The following SEC31A variants were observed in gnomAD, a reference collection of about 807,000 sequenced individuals.
The protein encoded by SEC31A is SEC31 homolog A, COPII component.
A neutral mutation model predicts 151.0 loss-of-function variants in SEC31A; 70 were observed. The observed-to-expected ratio is 0.46, with a 90% confidence interval of 0.38 to 0.57. The LOEUF is 0.57. Ranked by LOEUF, SEC31A falls within the 20% of genes least tolerant of loss-of-function variation. SEC31A has a pLI of 0.00. For synonymous variants in SEC31A, 475 were observed against 505.9 expected, an observed-to-expected ratio of 0.94 and a Z score of 0.82; for missense variants, 1,330 against 1,471.2, an observed-to-expected ratio of 0.90 and a Z score of 1.57.
intron 22 of SEC31A, among the ~76,000 whole-genome samples, chr4:82,837,701 C>T (rs1727748219): frequency 2.0e-5 from 3 of 152,292 alleles, no homozygotes; most frequent in South Asian, 4.1e-4. Flanking sequence ...GAGTCCTATC[C>T]ACCTTAGCGT....
chr4:82,877,555 T>C (rs1560658306), intron 4 of SEC31A: 1 of 152,172 alleles, frequency 6.6e-6, no homozygotes, highest in East Asian at 1.9e-4. Flanking sequence ...ATTGTTTGCA[T>C]TTTTTGTAAT....
upstream of SEC31A, chr4:82,895,571 G>A (rs180868332): frequency 2.6e-5 from 4 of 152,296 alleles, no homozygotes; most frequent in East Asian, 1.9e-4. Context: ...GGAAGAGTAA[G>A]GAAAAGAAAT....
At chr4:82,842,080 C>T in intron 22 of SEC31A, 60 bp downstream of exon 22, 5 of 1,304,398 alleles carry the variant, frequency 3.8e-6, no homozygotes, top group Non-Finnish European at 2.1e-6. Context: ...CCTCCATCCA[C>T]CCATCTGTTC....
chr4:82,836,237 G>A (rs979802846), intron 22 of SEC31A, among the ~76,000 whole-genome samples: 1 of 152,020 alleles, frequency 6.6e-6, no homozygotes, highest in African/African-American at 2.4e-5. Flanking sequence ...GCTGAGCGTG[G>A]TGGCACATGC....
At chr4:82,857,177 C>G in intron 15 of SEC31A, 47 bp from the exon 16 acceptor site, 1 of 1,527,868 alleles carries the variant, frequency 6.5e-7, no homozygotes, top group South Asian at 1.2e-5. Context: ...GTTTTTGTTA[C>G]CAAAACCAAC....
chr4:82,848,069 C>T (rs1304009988), intron 20 of SEC31A, among the ~76,000 whole-genome samples: 1 of 152,052 alleles, frequency 6.6e-6, no homozygotes, highest in Non-Finnish European at 1.5e-5. Context: ...GTTAACTTTG[C>T]TATCAATCAA....
chr4:82,878,982 CA>C, intron 3 of SEC31A, 54 bp from the exon 4 acceptor site: 5 of 1,384,484 alleles, frequency 3.6e-6, no homozygotes, highest in Non-Finnish European at 5.0e-6. Flanking sequence ...TAAATGTAGA[CA>C]AAAAATTGAA....
At chr4:82,852,842 A>G (rs1464224455) in intron 18 of SEC31A, among the ~76,000 whole-genome samples, 1 of 152,088 alleles carries the variant, frequency 6.6e-6, no homozygotes, top group Non-Finnish European at 1.5e-5. Context: ...GTGGAAGACA[A>G]TTTTTCCACA....
intron 3 of SEC31A, among the ~76,000 whole-genome samples, chr4:82,897,503 C>G (rs1379738088): frequency 6.6e-6 from 1 of 151,932 alleles, no homozygotes. Context: ...TTAAGAAAAC[C>G]AACTCTTTCT....
In SEC31A at chr4:82,842,449, T is replaced by A. The variant is rs760000950; in HGVS notation, c.2659A>T (p.Thr887Ser). 1 of 1,613,350 alleles carries A rather than the reference T, an allele frequency of 6.2e-7. No homozygotes were observed. Among genetic ancestry groups the A allele is most frequent in the African/African-American group, 1.3e-5 (1 of 74,910 alleles). Residue 887 changes from threonine to serine, a missense_variant, in exon 22 of 27, where the codon ACA (threonine) becomes TCA (serine). Coordinates refer to ENST00000395310, the MANE Select transcript of SEC31A (RefSeq NM_001077207.4). ...YQPAQPYPFG[T>S]GGSAMYRPQQ... ...GGTCGATACATTGCTGACCCCCCTGTTCCGAAGGGATACGGCTGGGCTGGT... is the reference window on the plus strand; with the variant it reads ...GGTCGATACATTGCTGACCCCCCTGATCCGAAGGGATACGGCTGGGCTGGT...
intron 8 of SEC31A, among the ~76,000 whole-genome samples, chr4:82,868,994 T>C (rs1736033426): frequency 6.6e-6 from 1 of 152,158 alleles, no homozygotes; most frequent in Non-Finnish European, 1.5e-5. Context: ...AAAATAGAAT[T>C]AATTGAAAAG....
intron 1 of SEC31A, among the ~76,000 whole-genome samples, chr4:82,882,151 C>T (rs1739492884): frequency 6.6e-6 from 1 of 152,118 alleles, no homozygotes; most frequent in Non-Finnish European, 1.5e-5. Flanking sequence ...TGCCTGTAAT[C>T]CCAGCACTTT....
At chr4:82,855,126 T>C (rs1732344165) in intron 16 of SEC31A, 97 bp from the exon 17 acceptor site, 2 of 1,014,952 alleles carry the variant, frequency 2.0e-6, no homozygotes, top group Non-Finnish European at 2.8e-6. Context: ...TCATGCCAAA[T>C]GCAGCAGCAA....
At chr4:82,832,227 A>C (rs1726106653) in intron 22 of SEC31A, among the ~76,000 whole-genome samples, 2 of 152,226 alleles carry the variant, frequency 1.3e-5, no homozygotes, top group South Asian at 4.1e-4. Context: ...CCAATGGAAC[A>C]GAACGGAGGC....
intron 17 of SEC31A, among the ~76,000 whole-genome samples, chr4:82,854,564 A>T (rs2149390710): frequency 6.6e-6 from 1 of 152,206 alleles, no homozygotes; most frequent in South Asian, 2.1e-4. Context: ...CATAGCTAAT[A>T]TTTATTAAGT....
rs1264779632 is a variant in SEC31A at position 82,842,131 on chromosome 4, A to G, written c.2968+9T>C. On this transcript the variant is annotated intron_variant, in intron 22 of 26. Coordinates refer to ENST00000395310, the MANE Select transcript of SEC31A (RefSeq NM_001077207.4). ...AGGGGGCCAAACCAAATCCCTTTCA[A>G]GCGCAGACCTGTTCTTTGGGACGCA... 3 of 1,526,948 alleles carry G rather than the reference A, an allele frequency of 2.0e-6. No individual in the cohort carries two copies. The highest frequency in any genetic ancestry group is 2.6e-5 in the South Asian group (2 of 76,346). The allele number at this position is 1,526,948 out of a possible 1,614,324, so 94.6% of individuals were successfully genotyped here. A position where few individuals can be genotyped will look rare whatever the true frequency, so the allele number is the denominator to read the frequency against.
intron 11 of SEC31A, 130 bp from the exon 12 acceptor site, chr4:82,863,522 TGAAG>T (rs897411492): frequency 9.1e-6 from 5 of 551,328 alleles, no homozygotes; most frequent in Non-Finnish European, 1.5e-5. Flanking sequence ...ATTCACTGTT[TGAAG>T]GAATCCAAAG....
At chr4:82,825,970 C>T (rs1724459211) in intron 24 of SEC31A, among the ~76,000 whole-genome samples, 1 of 152,152 alleles carries the variant, frequency 6.6e-6, no homozygotes, top group African/African-American at 2.4e-5. Flanking sequence ...TCACTGATAA[C>T]AGGAAACAAG....
At chr4:82,879,074 T>C (rs1738661662) in intron 3 of SEC31A, 146 bp from the exon 4 acceptor site, 8 of 641,262 alleles carry the variant, frequency 1.2e-5, no homozygotes, top group Non-Finnish European at 2.2e-5. Flanking sequence ...TATGTATGAC[T>C]TTGGTGTAAT....
Sources: gnomAD v4.1 joint callset for allele counts (sites outside exome capture counted in the v4.1 genomes callset) on GRCh38, gnomAD v4.1.1 for gene constraint, MANE v1.5 for transcripts, NCBI Gene and HGNC (gene_info 2026-07-23, HGNC 2026-07-21) for gene names.